ABTB3: variants seen among roughly 807,000 people sequenced by gnomAD.
ABTB3 encodes ankyrin repeat- and BTB/POZ domain-containing protein 3.
the ABTB3 span, among the ~76,000 whole-genome samples, chr12:107,523,479 C>T: frequency 6.6e-6 from 1 of 152,118 alleles, no homozygotes; most frequent in African/African-American, 2.4e-5. Flanking sequence ...GCATAATGTG[C>T]AAATGATTAC....
chr12:107,320,714 C>T, the ABTB3 span: 1 of 455,994 alleles, frequency 2.2e-6, no homozygotes, highest in Non-Finnish European at 4.4e-6. Context: ...GGCTAGAGCA[C>T]ACAGCTGGTG....
the ABTB3 span, among the ~76,000 whole-genome samples, chr12:107,639,982 G>A: frequency 6.6e-6 from 1 of 152,230 alleles, no homozygotes; most frequent in Non-Finnish European, 1.5e-5. Context: ...TGGGCAGGGA[G>A]GGCGCTGAGC....
the ABTB3 span, among the ~76,000 whole-genome samples, chr12:107,456,126 C>T: frequency 6.6e-6 from 1 of 152,194 alleles, no homozygotes; most frequent in African/African-American, 2.4e-5. Context: ...CAATAACTAC[C>T]GTAAGCTTTT....
the ABTB3 span, among the ~76,000 whole-genome samples, chr12:107,578,383 C>CTTTTTTTT: frequency 4.7e-3 from 269 of 57,218 alleles, 1 homozygote; most frequent in East Asian, 0.01. Context: ...CTTTCTTCTT[C>CTTTTTTTT]TTTTTTTTTT....
At chr12:107,388,097 C>T in the ABTB3 span, among the ~76,000 whole-genome samples, 57 of 151,574 alleles carry the variant, frequency 3.8e-4, no homozygotes, top group East Asian at 9.4e-3. Context: ...CTCAGCCTTC[C>T]GAGTAGCTGG....
the ABTB3 span, among the ~76,000 whole-genome samples, chr12:107,496,500 T>C: frequency 3.2e-3 from 494 of 152,252 alleles, 2 homozygotes; most frequent in African/African-American, 0.011. Context: ...TCCGGGATGG[T>C]AGCATAAATG....
the ABTB3 span, among the ~76,000 whole-genome samples, chr12:107,430,756 A>G: frequency 6.6e-6 from 1 of 152,240 alleles, no homozygotes; most frequent in African/African-American, 2.4e-5. Context: ...TTCCCATAAT[A>G]TTAATGTGTT....
At chr12:107,460,715 G>T in the ABTB3 span, among the ~76,000 whole-genome samples, 1 of 152,296 alleles carries the variant, frequency 6.6e-6, no homozygotes, top group Admixed American at 6.5e-5. Context: ...CCACGGTGTT[G>T]CTTCTCTTGC....
chr12:107,640,486 AT>A, the ABTB3 span: 2 of 968,984 alleles, frequency 2.1e-6, no homozygotes, highest in Non-Finnish European at 3.1e-6. Flanking sequence ...TTGAAGTTCA[AT>A]TTTGGTGGTC....
the ABTB3 span, among the ~76,000 whole-genome samples, chr12:107,486,331 C>T: frequency 6.6e-6 from 1 of 152,044 alleles, no homozygotes; most frequent in African/African-American, 2.4e-5. Flanking sequence ...AGCCTGAGTG[C>T]CTTTTCTGTA....
the ABTB3 span, among the ~76,000 whole-genome samples, chr12:107,401,910 TA>T: frequency 5.7e-5 from 8 of 140,566 alleles, no homozygotes; most frequent in Admixed American, 5.8e-4. Context: ...AACAACCGCT[TA>T]GGGTTTTTTT....
At chr12:107,591,239 T>C in the ABTB3 span, among the ~76,000 whole-genome samples, 1 of 152,340 alleles carries the variant, frequency 6.6e-6, no homozygotes, top group African/African-American at 2.4e-5. Flanking sequence ...ATGTTAGATA[T>C]GCAAAATGGC....
chr12:107,656,409 G>A, the ABTB3 span, among the ~76,000 whole-genome samples: 1 of 152,224 alleles, frequency 6.6e-6, no homozygotes, highest in Admixed American at 6.5e-5. Flanking sequence ...CAACTTTCCA[G>A]ACCACACAGT....
chr12:107,353,488 G>T, the ABTB3 span, among the ~76,000 whole-genome samples: 1 of 152,196 alleles, frequency 6.6e-6, no homozygotes, highest in African/African-American at 2.4e-5. Context: ...TGTGAGCCCA[G>T]GCAAATCACT....
chr12:107,449,964 A>G, the ABTB3 span, among the ~76,000 whole-genome samples: 3 of 152,184 alleles, frequency 2.0e-5, no homozygotes, highest in African/African-American at 7.2e-5. Context: ...TCTGATGGAA[A>G]GACATGAGGC....
At chr12:107,521,464 G>A in the ABTB3 span, among the ~76,000 whole-genome samples, 3 of 152,010 alleles carry the variant, frequency 2.0e-5, no homozygotes, top group African/African-American at 7.3e-5. Context: ...TTTTAATTCT[G>A]ACAGCTTTCA....
the ABTB3 span, among the ~76,000 whole-genome samples, chr12:107,510,338 T>C: frequency 2.0e-5 from 3 of 151,996 alleles, no homozygotes; most frequent in Non-Finnish European, 4.4e-5. Context: ...CCCAAGCCTG[T>C]GTCCAGAGTA....
At chr12:107,465,646 A>T in the ABTB3 span, among the ~76,000 whole-genome samples, 1 of 152,120 alleles carries the variant, frequency 6.6e-6, no homozygotes, top group Non-Finnish European at 1.5e-5. Flanking sequence ...CATACCAGGA[A>T]GGTCAAGTTC....
chr12:107,406,022 G>C, the ABTB3 span, among the ~76,000 whole-genome samples: 1 of 152,172 alleles, frequency 6.6e-6, no homozygotes, highest in African/African-American at 2.4e-5. Flanking sequence ...GGTTACGTGG[G>C]AGCTGAGTTG....
Sources: gnomAD v4.1 joint callset for allele counts (sites outside exome capture counted in the v4.1 genomes callset) on GRCh38, gnomAD v4.1.1 for gene constraint, MANE v1.5 for transcripts, NCBI Gene and HGNC (gene_info 2026-07-23, HGNC 2026-07-21) for gene names.